LDB3: variants seen among roughly 807,000 people sequenced by gnomAD.
LDB3 encodes LIM domain-binding protein 3.
In LDB3, 49 loss-of-function variants were observed where a neutral mutation model predicts 69.0. That is an observed-to-expected ratio of 0.71 (90% CI 0.56 to 0.90). LDB3 has a LOEUF of 0.90. Ranked by LOEUF, LDB3 falls within the 40% of genes least tolerant of loss-of-function variation. The probability of loss-of-function intolerance (pLI) is 0.00; values close to 1 mark genes in which losing one functional copy is unlikely to be tolerated. For missense variants in LDB3, 928 were observed against 974.1 expected, an observed-to-expected ratio of 0.95 and a Z score of 0.63; for synonymous variants, 387 against 396.2, an observed-to-expected ratio of 0.98 and a Z score of 0.28.
At chr10:86,696,376 C>T (rs1482103269) in intron 7 of LDB3, among the ~76,000 whole-genome samples, 1 of 152,228 alleles carries the variant, frequency 6.6e-6, no homozygotes, top group Non-Finnish European at 1.5e-5. Flanking sequence ...TTGAAAACCA[C>T]AACTGGAGCA....
chr10:86,706,232 G>C lies in LDB3; in HGVS notation c.897-299G>C, dbSNP rs908599661. On this transcript the variant is annotated intron_variant, in intron 7 of 13. Coordinates refer to ENST00000361373, the MANE Select transcript of LDB3 (RefSeq NM_007078.3). ...TCTACCACACTGTTTTGCTGAAAAA[G>C]AAAAATTAGGAAGTACAGAAAAATT... 3.3e-5 allele frequency among the ~76,000 whole-genome samples: 3 copies of C among 89,646 alleles called. No individual in the cohort carries two copies. The South Asian group carries it at 1.1e-3, about 34-fold the overall frequency. 58.8% of individuals were successfully genotyped at this position (89,646 alleles called of 152,430 possible). A position where few individuals can be genotyped will look rare whatever the true frequency, so the allele number is the denominator to read the frequency against.
At chr10:86,698,597 G>A (rs181551211) in intron 7 of LDB3, among the ~76,000 whole-genome samples, 52 of 152,352 alleles carry the variant, frequency 3.4e-4, no homozygotes, top group Non-Finnish European at 6.6e-4. Context: ...CCCCACTGGT[G>A]GGAAGTGGCC....
chr10:86,725,290 T>G (rs1847216902), intron 12 of LDB3, among the ~76,000 whole-genome samples: 1 of 152,220 alleles, frequency 6.6e-6, no homozygotes, highest in African/African-American at 2.4e-5. Context: ...AGCTGTGGGA[T>G]GCTGGCTGGG....
At chr10:86,703,475 A>G (rs2132451288) in intron 7 of LDB3, among the ~76,000 whole-genome samples, 1 of 152,362 alleles carries the variant, frequency 6.6e-6, no homozygotes, top group Non-Finnish European at 1.5e-5. Context: ...CTCCCTGAGC[A>G]TTAAGTCAGG....
chr10:86,668,583 G>C lies in LDB3; in HGVS notation c.-24+13G>C. The C allele has an allele frequency of 1.1e-6, 1 of 895,874 alleles. No individual in the cohort carries two copies. The highest frequency in any genetic ancestry group is 1.9e-6 in the Non-Finnish European group (1 of 533,538). The allele number at this position is 895,874 out of a possible 1,614,324, so 55.5% of individuals were successfully genotyped here. The stretch of plus-strand genomic sequence containing the variant: ...AGGGACAGAACAGGCAAGGCTGGGG[G>C]TCAGGGGCAGGGGCAGAGGTGTGGA... On this transcript the variant is annotated intron_variant, in intron 1 of 13. Coordinates refer to ENST00000361373, the MANE Select transcript of LDB3 (RefSeq NM_007078.3).
intron 7 of LDB3, 75 bp downstream of exon 7, chr10:86,692,646 C>G (rs1461924189): frequency 7.5e-7 from 1 of 1,340,838 alleles, no homozygotes; most frequent in African/African-American, 1.4e-5. Context: ...CAGGTCACAT[C>G]ACTCATGGAA....
intron 12 of LDB3, among the ~76,000 whole-genome samples, chr10:86,721,327 G>T (rs1175967094): frequency 6.6e-6 from 1 of 152,172 alleles, no homozygotes; most frequent in African/African-American, 2.4e-5. Flanking sequence ...CAACAATTTG[G>T]AAGAAGACAC....
At chr10:86,674,025 G>C (rs1223090744) in intron 2 of LDB3, among the ~76,000 whole-genome samples, 1 of 152,134 alleles carries the variant, frequency 6.6e-6, no homozygotes, top group African/African-American at 2.4e-5. Flanking sequence ...GCCCCTCTAG[G>C]GACAGCAGGC....
intron 7 of LDB3, among the ~76,000 whole-genome samples, chr10:86,704,908 G>A (rs1292995773): frequency 6.6e-6 from 1 of 151,678 alleles, no homozygotes; most frequent in Non-Finnish European, 1.5e-5. Context: ...TAGAGACAAG[G>A]TTTCTCCACG....
intron 12 of LDB3, among the ~76,000 whole-genome samples, chr10:86,723,004 C>T (rs540393985): frequency 4.6e-5 from 7 of 151,932 alleles, no homozygotes; most frequent in Non-Finnish European, 7.4e-5. Context: ...TGGTGGCTCA[C>T]GCCTGTAATC....
At chr10:86,697,549 C>CCTT (rs1846059942) in intron 7 of LDB3, among the ~76,000 whole-genome samples, 1 of 83,942 alleles carries the variant, frequency 1.2e-5, no homozygotes, top group Non-Finnish European at 2.1e-5. Flanking sequence ...TTCTTTCTTT[C>CCTT]TTTTTTTTTT....
chr10:86,667,320 A>C (rs1286450908), upstream of LDB3, among the ~76,000 whole-genome samples: 2 of 152,166 alleles, frequency 1.3e-5, no homozygotes, highest in African/African-American at 4.8e-5. Context: ...CAAGAGGGCC[A>C]GCAAGCAGCC....
At chr10:86,709,039 C>T (rs2132464145) in intron 8 of LDB3, among the ~76,000 whole-genome samples, 1 of 152,274 alleles carries the variant, frequency 6.6e-6, no homozygotes, top group East Asian at 1.9e-4. Context: ...CATGTGGTCC[C>T]CTTTGAGATC....
intron 9 of LDB3, among the ~76,000 whole-genome samples, chr10:86,715,576 C>T (rs76739932): frequency 0.015 from 2,246 of 152,222 alleles, 47 homozygotes; most frequent in African/African-American, 0.051. Context: ...TTTAGACAGT[C>T]ACTCAGACAC....
chr10:86,668,764 A>G lies in LDB3; in HGVS notation c.73A>G (p.Met25Val). The G allele has an allele frequency of 1.2e-6, 2 of 1,612,856 alleles. No individual in the cohort carries two copies. The highest frequency in any genetic ancestry group is 1.7e-6 in the Non-Finnish European group (2 of 1,179,738). The part of the protein sequence containing the change: ...FRLQGGKDFN[M>V]PLTISRITPG... ...TCTGCAGGGGGGCAAGGACTTCAACATGCCCCTCACTATCTCCCGGGTGAG... is the reference window on the plus strand; with the variant it reads ...TCTGCAGGGGGGCAAGGACTTCAACGTGCCCCTCACTATCTCCCGGGTGAG... The change falls in exon 2 of 14, where the codon ATG becomes GTG. Residue 25 changes from methionine to valine, a missense_variant. Transcript: ENST00000361373.
At chr10:86,692,692 C>G in intron 7 of LDB3, 121 bp downstream of exon 7, 1 of 917,400 alleles carries the variant, frequency 1.1e-6, no homozygotes, top group Middle Eastern at 2.1e-4. Flanking sequence ...GAAAGCCTGG[C>G]CTGCAAAGGG....
At chr10:86,687,048 A>T (rs1490980960) in intron 5 of LDB3, 1 of 1,611,122 alleles carries the variant, frequency 6.2e-7, no homozygotes, top group Admixed American at 1.7e-5. Flanking sequence ...CCCTGCCCGT[A>T]CTCCCGCACC....
intron 5 of LDB3, among the ~76,000 whole-genome samples, chr10:86,687,642 G>A (rs1845558687): frequency 6.6e-6 from 1 of 152,256 alleles, no homozygotes; most frequent in South Asian, 2.1e-4. Context: ...GTCCTTTAAG[G>A]AGGGGGAAGT....
intron 2 of LDB3, among the ~76,000 whole-genome samples, chr10:86,668,985 C>T (rs1369919599): frequency 6.6e-6 from 1 of 152,134 alleles, no homozygotes; most frequent in Non-Finnish European, 1.5e-5. Flanking sequence ...GCATGTGAGA[C>T]ATCATGAGCA....
Sources: gnomAD v4.1 joint callset for allele counts (sites outside exome capture counted in the v4.1 genomes callset) on GRCh38, gnomAD v4.1.1 for gene constraint, MANE v1.5 for transcripts, NCBI Gene and HGNC (gene_info 2026-07-23, HGNC 2026-07-21) for gene names.